MAP7D2: variants seen among roughly 807,000 people sequenced by gnomAD.
MAP7D2 encodes MAP7 domain containing 2, also known as MAP7 domain-containing protein 2.
Under a neutral mutation model 63.5 loss-of-function variants are expected in MAP7D2, and 33 were observed. The observed-to-expected ratio is 0.52, with a 90% CI of 0.39 to 0.70. The LOEUF is 0.70. MAP7D2 is among the 30% of genes least tolerant of loss of function. MAP7D2 has a pLI of 0.00. For missense variants in MAP7D2, 626 were observed against 604.0 expected, an observed-to-expected ratio of 1.04 and a Z score of -0.38; for synonymous variants, 224 against 223.7, an observed-to-expected ratio of 1.00 and a Z score of -0.01.
At chrX:20,009,385 C>T (rs1047026725) in intron 16 of MAP7D2, among the ~76,000 whole-genome samples, 9 of 111,518 alleles carry the variant, frequency 8.1e-5, no homozygotes, top group Admixed American at 3.8e-4. Flanking sequence ...CTAAAATGGC[C>T]GGGCGCGGTG....
chrX:20,061,727 C>A (rs1356717801), intron 3 of MAP7D2, among the ~76,000 whole-genome samples: 1 of 112,839 alleles, frequency 8.9e-6, no homozygotes, highest in East Asian at 2.8e-4. Flanking sequence ...CTTAATTTAA[C>A]ATGCCTCCAG....
chrX:20,028,372 G>T (rs1202752673), intron 8 of MAP7D2, among the ~76,000 whole-genome samples: 1 of 111,910 alleles, frequency 8.9e-6, no homozygotes, highest in Non-Finnish European at 1.9e-5. Context: ...TATTGGTGTT[G>T]ATCAATTAGA....
At chrX:20,014,253 G>A (rs756863771) in intron 12 of MAP7D2, among the ~76,000 whole-genome samples, 42 of 112,368 alleles carry the variant, frequency 3.7e-4, no homozygotes, top group Admixed American at 1.0e-3. Context: ...AAAAAGATTT[G>A]ACATACAGAC....
At chrX:20,014,531 G>A (rs1434355504) in intron 12 of MAP7D2, among the ~76,000 whole-genome samples, 1 of 111,106 alleles carries the variant, frequency 9.0e-6, no homozygotes. Flanking sequence ...TCACACCACT[G>A]CACTCCAGCA....
chrX:20,051,040 C>T (rs1271507263), intron 5 of MAP7D2, 94 bp from the exon 6 acceptor site: 10 of 720,626 alleles, frequency 1.4e-5, no homozygotes, highest in Non-Finnish European at 9.4e-6. Context: ...TGCAAATTAA[C>T]TTTTGGGTGG....
In MAP7D2 at chrX:20,096,429, C is replaced by CAA. The variant is rs775218484; in HGVS notation, c.130+20319_130+20320dup. Among the ~76,000 whole-genome samples, 7 of 40,085 alleles carry CAA rather than the reference C, an allele frequency of 1.7e-4. No homozygotes were observed. The East Asian group carries it at 5.3e-3, about 31-fold the overall frequency. 34.8% of individuals were successfully genotyped at this position (40,085 alleles called of 115,157 possible). A position where few individuals can be genotyped will look rare whatever the true frequency, so the allele number is the denominator to read the frequency against. On this transcript the variant is annotated intron_variant, in intron 1 of 16. Transcript: ENST00000379643. ...TCCGAGACAGAGCAAGACCTTGTCT[C>CAA]AAAAAAAAAAAAAAAAAAAGAAAAA...
At chrX:20,084,125 C>A (rs1240300839) in intron 1 of MAP7D2, among the ~76,000 whole-genome samples, 1 of 107,358 alleles carries the variant, frequency 9.3e-6, no homozygotes, top group East Asian at 2.9e-4. Flanking sequence ...CACTTGAACC[C>A]GGGAGGCGGA....
In MAP7D2 at chrX:20,006,742, G is replaced by A. The variant is rs1225589871; in HGVS notation, c.*1683C>T. ...CACTGGCAACAAAGGAATTTTTAAT[G>A]AGTTTGACAGGGAAAGGACACCCAC... On this transcript the variant is annotated 3_prime_UTR_variant, in exon 17 of 17. Coordinates refer to ENST00000379643, the MANE Select transcript of MAP7D2 (RefSeq NM_001168465.2). 2.7e-5 allele frequency: 3 copies of A among 111,773 alleles called. No individual in the cohort carries two copies. The highest frequency in any genetic ancestry group is 9.7e-5 in the African/African-American group (3 of 30,786). 9.2% of individuals were successfully genotyped at this position (111,773 alleles called of 1,213,427 possible).
chrX:20,073,954 T>A, intron 1 of MAP7D2, among the ~76,000 whole-genome samples: 1 of 106,411 alleles, frequency 9.4e-6, no homozygotes, highest in Admixed American at 9.9e-5. Context: ...CTGACCAACA[T>A]GGAGAAACCC....
chrX:20,045,389 T>C (rs955420280), intron 6 of MAP7D2, among the ~76,000 whole-genome samples: 2 of 108,808 alleles, frequency 1.8e-5, no homozygotes, highest in Non-Finnish European at 3.8e-5. Flanking sequence ...TAGCTTGGCA[T>C]GGGGGCACAC....
At chrX:20,049,027 T>C (rs1041525699) in intron 6 of MAP7D2, among the ~76,000 whole-genome samples, 4 of 110,374 alleles carry the variant, frequency 3.6e-5, no homozygotes, top group African/African-American at 1.3e-4. Context: ...TGTGGAACCA[T>C]AACCACAGTC....
intron 6 of MAP7D2, chrX:20,049,944 G>T: frequency 7.0e-6 from 2 of 284,679 alleles, no homozygotes; most frequent in Non-Finnish European, 1.3e-5. Context: ...TAATGATGTT[G>T]AGCATCTTAT....
rs1433086372 is a variant in MAP7D2, at chrX:20,049,392, C to T, written c.718+1432G>A. On this transcript the variant is annotated intron_variant, in intron 6 of 16. Transcript: ENST00000379643. ...GCTCAAGTGATTCTCCTGTCTTAGC[C>T]TCCCGAGTAGCTGGGATTACAGGTG... 2.8e-5 allele frequency among the ~76,000 whole-genome samples: 3 copies of T among 108,272 alleles called. No individual in the cohort carries two copies. In the East Asian group the frequency reaches 8.7e-4, roughly 31 times the overall value. The allele number at this position is 108,272 out of a possible 115,157, so 94.0% of individuals were successfully genotyped here.
chrX:20,016,120 G>A lies in MAP7D2; in HGVS notation c.1618C>T (p.Gln540Ter). 1 of 1,208,887 alleles carries A rather than the reference G, an allele frequency of 8.3e-7. No homozygotes were observed. Among genetic ancestry groups the A allele is most frequent in the Non-Finnish European group, 1.1e-6 (1 of 893,773 alleles). Residue 540 changes from glutamine (Q) to a stop codon, truncating the protein, a stop_gained, in exon 11 of 17, where the codon CAA (glutamine) becomes TAA (stop). Transcript: ENST00000379643. LOFTEE classifies it high-confidence loss of function. ...TGCTTTTCAATCATGGCTTTCTCTT[G>A]TTTTTCTTGTTCTTGCTTTTCTTTC... ...LLKEKQEQEK[Q>*]EKAMIEKQKE... is the part of the protein sequence containing the mutation.
At chrX:20,027,757 GGAGAGAGAGA>G (rs56796954) in intron 8 of MAP7D2, among the ~76,000 whole-genome samples, 27 of 76,242 alleles carry the variant, frequency 3.5e-4, no homozygotes, top group East Asian at 7.9e-4. Context: ...GAAGGCGGGG[GGAGAGAGAGA>G]GAGAGAGAGA....
At chrX:20,106,314 C>T in intron 1 of MAP7D2, among the ~76,000 whole-genome samples, 1 of 112,032 alleles carries the variant, frequency 8.9e-6, no homozygotes, top group South Asian at 3.7e-4. Flanking sequence ...CTCCCTTCAC[C>T]CAGGCTGGGG....
At chrX:20,045,675 T>C (rs2064781750) in intron 6 of MAP7D2, among the ~76,000 whole-genome samples, 1 of 109,776 alleles carries the variant, frequency 9.1e-6, no homozygotes, top group Non-Finnish European at 1.9e-5. Flanking sequence ...GTGTCAGAAA[T>C]GGGAATTGCT....
intron 4 of MAP7D2, among the ~76,000 whole-genome samples, chrX:20,053,226 A>G (rs1428234935): frequency 8.9e-6 from 1 of 112,079 alleles, no homozygotes; most frequent in Non-Finnish European, 1.9e-5. Flanking sequence ...GTCATCTTCA[A>G]TTTCAAATGT....
chrX:20,068,669 G>C (rs1322648380), intron 1 of MAP7D2, among the ~76,000 whole-genome samples: 2 of 111,847 alleles, frequency 1.8e-5, no homozygotes, highest in Non-Finnish European at 3.8e-5. Context: ...CAGAGGAATT[G>C]AGGTAGATTA....
Sources: allele counts gnomAD v4.1 joint callset (sites outside exome capture counted in the v4.1 genomes callset), GRCh38; gene constraint gnomAD v4.1.1; transcripts MANE v1.5; gene names NCBI Gene and HGNC (gene_info 2026-07-23, HGNC 2026-07-21).